ZBTB17: variants seen among roughly 807,000 people sequenced by gnomAD.
ZBTB17 encodes zinc finger and BTB domain containing 17, also known as zinc finger and BTB domain-containing protein 17.
ZBTB17 carries 24 observed loss-of-function variants against 85.1 expected under a neutral mutation model. The ratio of observed to expected loss-of-function variants is 0.28; its 90% confidence interval spans 0.20 to 0.40. The LOEUF is 0.40. ZBTB17 is among the 10% of genes least tolerant of loss of function. The pLI, the probability that ZBTB17 is intolerant of heterozygous loss-of-function variation, is 1.00. For synonymous variants in ZBTB17, 464 were observed against 460.2 expected (o/e 1.01, Z -0.11); for missense variants, 743 against 1,105.1 (o/e 0.67, Z 4.65).
chr1:15,956,298 T>G, intron 2 of ZBTB17, among the ~76,000 whole-genome samples: 1 of 152,250 alleles, frequency 6.6e-6, no homozygotes, highest in East Asian at 1.9e-4. Context: ...TACTTCTTAT[T>G]TCTTCCTTAC....
At chr1:15,961,837 AGTGACGACATGGG>A (rs1430516647) in intron 2 of ZBTB17, among the ~76,000 whole-genome samples, 2 of 152,222 alleles carry the variant, frequency 1.3e-5, no homozygotes, top group Admixed American at 6.5e-5. Flanking sequence ...AGGCACAGCT[AGTGACGACATGGG>A]GTGACGACAT....
chr1:15,971,738 T>C (rs1182158906), intron 2 of ZBTB17, among the ~76,000 whole-genome samples: 7 of 152,002 alleles, frequency 4.6e-5, no homozygotes, highest in Admixed American at 3.9e-4. Flanking sequence ...GTGAATTACC[T>C]GCCTGTCCTC....
intron 5 of ZBTB17, 75 bp downstream of exon 5, chr1:15,946,079 C>A: frequency 6.3e-7 from 1 of 1,598,066 alleles, no homozygotes; most frequent in Non-Finnish European, 8.5e-7. Flanking sequence ...TGCCCCAAGG[C>A]AGCCCTCACT....
At chr1:15,971,305 A>ATC (rs1052425537) in intron 2 of ZBTB17, among the ~76,000 whole-genome samples, 3 of 149,036 alleles carry the variant, frequency 2.0e-5, no homozygotes, top group Non-Finnish European at 4.5e-5. Context: ...GGTGGGGGAA[A>ATC]TCTCTCTCTC....
chr1:15,957,036 C>T (rs763459117), intron 2 of ZBTB17, among the ~76,000 whole-genome samples: 5 of 151,838 alleles, frequency 3.3e-5, no homozygotes, highest in African/African-American at 7.3e-5. Flanking sequence ...AAAAATTAGC[C>T]GGGCATGGTG....
Position 15,943,847 on chromosome 1 carries a change from G to A in ZBTB17, c.1420C>T (p.Leu474Phe), listed in dbSNP as rs1157815147. The A allele has an allele frequency of 1.2e-6, 2 of 1,611,210 alleles. No homozygotes were observed. The highest frequency in any genetic ancestry group is 1.7e-6 in the Non-Finnish European group (2 of 1,179,070). Residue 474 changes from leucine to phenylalanine, a missense_variant, in exon 10 of 16, where the codon CTC becomes TTC. Transcript: ENST00000375743. ...TGCTTCCCACACTCTCGGCACTTGA[G>A]GGGCCCGTCAGCGATGTGGATCTTC... is the stretch of plus-strand genomic sequence containing the variant. ...HLKIHIADGP[L>F]KCRECGKQFT...
In ZBTB17 at chr1:15,948,513, G is replaced by A; in HGVS notation, c.-2-16C>T. 6.2e-7 allele frequency: 1 copy of A among 1,610,990 alleles called. No individual in the cohort carries two copies. The highest frequency in any genetic ancestry group is 8.5e-7 in the Non-Finnish European group (1 of 1,177,916). On this transcript the variant is annotated splice_polypyrimidine_tract_variant and intron_variant, in intron 2 of 15. Transcript: ENST00000375743. The stretch of plus-strand genomic sequence containing the variant: ...AAGTCCATGGCTGAAGAAAGCCAAA[G>A]GGCGTTGGGGTTAGCACGGAGAAAG...
intron 2 of ZBTB17, among the ~76,000 whole-genome samples, chr1:15,961,119 A>G (rs112689872): frequency 6.6e-6 from 1 of 152,246 alleles, no homozygotes; most frequent in Non-Finnish European, 1.5e-5. Flanking sequence ...GTCTCAAAAA[A>G]AGAAAAAAGA....
intron 2 of ZBTB17, 140 bp from the exon 3 acceptor site, chr1:15,948,637 C>G: frequency 1.2e-6 from 1 of 864,798 alleles, no homozygotes; most frequent in Non-Finnish European, 1.7e-6. Context: ...CACAAAAGGG[C>G]AGTTCAGTCC....
At chr1:15,974,764 G>A (rs2072802644) in intron 1 of ZBTB17, among the ~76,000 whole-genome samples, 1 of 151,696 alleles carries the variant, frequency 6.6e-6, no homozygotes, top group African/African-American at 2.4e-5. Context: ...TAGTAGAGAC[G>A]GGGGTTTCAC....
chr1:15,968,710 G>A (rs1356349429), intron 2 of ZBTB17, among the ~76,000 whole-genome samples: 1 of 152,148 alleles, frequency 6.6e-6, no homozygotes, highest in African/African-American at 2.4e-5. Context: ...AGAAAGCTTG[G>A]GGGAACTCTC....
chr1:15,943,191 G>GA lies in ZBTB17; in HGVS notation c.1700dup (p.Val568ArgfsTer50). 6.2e-7 allele frequency: 1 copy of GA among 1,614,150 alleles called. No individual in the cohort carries two copies. The highest frequency in any genetic ancestry group is 8.5e-7 in the Non-Finnish European group (1 of 1,180,004). ...GATTGGCCAACTGGCTGGACTGGAC[G>GA]AATCTGTGGGGCCACAGGAAGGGAC... On this transcript the variant is annotated frameshift_variant, in exon 13 of 16. Coordinates refer to ENST00000375743, the MANE Select transcript of ZBTB17 (RefSeq NM_003443.3). LOFTEE classifies it high-confidence loss of function.
chr1:15,958,579 T>TG (rs1399282891), intron 2 of ZBTB17, among the ~76,000 whole-genome samples: 1 of 152,002 alleles, frequency 6.6e-6, no homozygotes, highest in Non-Finnish European at 1.5e-5. Flanking sequence ...GCTGAGGGGA[T>TG]GGTGGAGTGG....
chr1:15,942,947 A>G, intron 13 of ZBTB17, 117 bp downstream of exon 13: 3 of 1,482,624 alleles, frequency 2.0e-6, no homozygotes, highest in Non-Finnish European at 2.7e-6. Context: ...CTTCAAGGCC[A>G]CCTGCAGCAA....
At chr1:15,950,713 A>G (rs1413987469) in intron 2 of ZBTB17, among the ~76,000 whole-genome samples, 1 of 152,206 alleles carries the variant, frequency 6.6e-6, no homozygotes, top group Non-Finnish European at 1.5e-5. Context: ...CAACCTGGGG[A>G]GCATCAGCTG....
At chr1:15,950,586 G>A (rs377714665) in intron 2 of ZBTB17, among the ~76,000 whole-genome samples, 126 of 152,314 alleles carry the variant, frequency 8.3e-4, no homozygotes, top group African/African-American at 2.9e-3. Flanking sequence ...ACTGGCTTCA[G>A]AAGCAGCCCA....
rs568633879 is a variant in ZBTB17, at chr1:15,952,677, T to C, written c.-2-4180A>G. Among the ~76,000 whole-genome samples, 4 of 152,328 alleles carry C rather than the reference T, an allele frequency of 2.6e-5. No individual in the cohort carries two copies. The highest frequency in any genetic ancestry group is 5.9e-5 in the Non-Finnish European group (4 of 68,038). ...GCTCCTGGGAATCCAGTCACCGAGC[T>C]GGAGGAAAGTCCAAGCTCCCGTGTG... is the stretch of plus-strand genomic sequence containing the variant. On this transcript the variant is annotated intron_variant, in intron 2 of 15. Coordinates refer to ENST00000375743, the MANE Select transcript of ZBTB17 (RefSeq NM_003443.3). The surrounding 1 kb of genome is among the most constrained non-coding windows in gnomAD (Gnocchi z 4.3).
chr1:15,962,511 C>G (rs1185464404), intron 2 of ZBTB17, among the ~76,000 whole-genome samples: 1 of 152,122 alleles, frequency 6.6e-6, no homozygotes. Context: ...GGGACTAATA[C>G]AGTCACCCCC....
intron 2 of ZBTB17, among the ~76,000 whole-genome samples, chr1:15,968,440 T>C (rs766468003): frequency 6.6e-5 from 10 of 152,106 alleles, no homozygotes; most frequent in Non-Finnish European, 1.3e-4. Flanking sequence ...GGCGGTCTCA[T>C]GGGAAGGCAG....
Sources: allele counts gnomAD v4.1 joint callset (sites outside exome capture counted in the v4.1 genomes callset), GRCh38; gene constraint gnomAD v4.1.1; non-coding constraint Gnocchi (gnomAD v3.1); transcripts MANE v1.5; gene names NCBI Gene and HGNC (gene_info 2026-07-23, HGNC 2026-07-21).